IFT80: variants seen among roughly 807,000 people sequenced by gnomAD.
IFT80 encodes the protein intraflagellar transport 80.
A neutral mutation model predicts 107.9 loss-of-function variants in IFT80; 79 were observed. That is an observed-to-expected ratio of 0.73 (90% CI 0.61 to 0.88). The LOEUF is 0.88. Among genes scored for constraint, IFT80 ranks in the 40% least tolerant of loss-of-function variants. IFT80 has a pLI of 0.00. For missense variants in IFT80, 797 were observed against 914.2 expected (o/e 0.87, Z 1.65); for synonymous variants, 299 against 300.9 (o/e 0.99, Z 0.07).
rs1721070611 is a variant in IFT80, at chr3:160,356,121, G to A, written c.669C>T (p.Tyr223=). ...TGGGATGCTCATGAGGTTGTGAATT[G>A]TACAGTGGGCGGCCGTAACTATCCC... The part of the protein sequence containing the change: ...KVWDSYGRPL[Y]NSQPHEHPIT... The change falls in exon 8 of 20, where the codon TAC becomes TAT. Residue 223 remains tyrosine, a synonymous_variant. Coordinates refer to ENST00000326448, the MANE Select transcript of IFT80 (RefSeq NM_020800.3). 2 of 1,614,082 alleles carry A rather than the reference G, an allele frequency of 1.2e-6. No individual in the cohort carries two copies. The highest frequency in any genetic ancestry group is 1.6e-4 in the Middle Eastern group (1 of 6,062).
intron 12 of IFT80, among the ~76,000 whole-genome samples, chr3:160,296,636 C>T (rs1716003499): frequency 6.6e-6 from 1 of 151,460 alleles, no homozygotes; most frequent in Non-Finnish European, 1.5e-5. Flanking sequence ...TGTGAAACAA[C>T]AGTTATTCCA....
In IFT80 at chr3:160,320,778, G is replaced by T. The variant is rs1479097361; in HGVS notation, c.778-839C>A. On this transcript the variant is annotated intron_variant, in intron 8 of 19. Transcript: ENST00000326448. ...GGATATATATACATATATATATTTT[G>T]TTTGTTTGTTTGTTTTACATTATTT... Among the ~76,000 whole-genome samples the T allele has an allele frequency of 2.0e-5, 3 of 150,980 alleles. No individual in the cohort carries two copies. The South Asian group carries it at 6.2e-4, about 31-fold the overall frequency.
At chr3:160,343,482 A>C (rs757755122) in intron 8 of IFT80, among the ~76,000 whole-genome samples, 12 of 152,140 alleles carry the variant, frequency 7.9e-5, no homozygotes, top group African/African-American at 1.2e-4. Context: ...TTTATTTATA[A>C]TAACTATGTT....
intron 9 of IFT80, among the ~76,000 whole-genome samples, chr3:160,314,910 A>C (rs1717681618): frequency 6.6e-6 from 1 of 152,100 alleles, no homozygotes; most frequent in Non-Finnish European, 1.5e-5. Context: ...TTATAGGTTT[A>C]TTTTGCCAAG....
chr3:160,320,159 T>C, intron 8 of IFT80: 1 of 473,200 alleles, frequency 2.1e-6, no homozygotes, highest in Non-Finnish European at 3.7e-6. Flanking sequence ...GTATGAAATA[T>C]CTCAAGAACT....
intron 9 of IFT80, 48 bp from the exon 10 acceptor site, chr3:160,307,829 A>G (rs903050575): frequency 2.1e-5 from 20 of 964,480 alleles, no homozygotes; most frequent in South Asian, 1.7e-4. Flanking sequence ...ACATATCCAA[A>G]TTTTATTTAG....
chr3:160,352,368 T>C (rs1720773845), intron 8 of IFT80, among the ~76,000 whole-genome samples: 3 of 152,188 alleles, frequency 2.0e-5, no homozygotes, highest in African/African-American at 7.2e-5. Flanking sequence ...TTTTAAGAAA[T>C]GTAATTTTTT....
intron 10 of IFT80, among the ~76,000 whole-genome samples, chr3:160,306,687 G>T (rs1344112585): frequency 2.0e-5 from 3 of 152,006 alleles, no homozygotes; most frequent in African/African-American, 7.3e-5. Flanking sequence ...GTCCCAAATT[G>T]CAGATTCTGA....
intron 8 of IFT80, chr3:160,342,650 A>G (rs747605287): frequency 1.1e-3 from 160 of 152,310 alleles, no homozygotes; most frequent in Non-Finnish European, 1.6e-3. Context: ...GAGCCTGTGG[A>G]GGCCTGCTGG....
chr3:160,316,985 CT>C (rs1249512127), intron 9 of IFT80, among the ~76,000 whole-genome samples: 1 of 152,112 alleles, frequency 6.6e-6, no homozygotes, highest in African/African-American at 2.4e-5. Flanking sequence ...TGTCTCTTAA[CT>C]TCACAAGAAT....
chr3:160,275,468 G>T (rs1283494955), intron 18 of IFT80, among the ~76,000 whole-genome samples: 5 of 151,976 alleles, frequency 3.3e-5, no homozygotes, highest in African/African-American at 7.3e-5. Flanking sequence ...TTCCCCTTAT[G>T]GATTATATGC....
chr3:160,280,570 TA>T, intron 15 of IFT80, 96 bp downstream of exon 15: 1 of 1,029,136 alleles, frequency 9.7e-7, no homozygotes, highest in Non-Finnish European at 1.5e-6. Context: ...GACTGATGTG[TA>T]AAACACCTTG....
In IFT80 at chr3:160,322,003, G is replaced by GTTAGTTAT. The variant is rs1418524304; in HGVS notation, c.778-2065_778-2064insATAACTAA. Among the ~76,000 whole-genome samples the GTTAGTTAT allele has an allele frequency of 2.8e-4, 41 of 146,472 alleles. 1 individual carries two copies. In the East Asian group the frequency reaches 7.1e-3, roughly 25 times the overall value. On this transcript the variant is annotated intron_variant, in intron 8 of 19. Transcript: ENST00000326448. ...CAGTAGAAAGGGTCATTGTCAGCTT[G>GTTAGTTAT]TTATTTATTTATTTATTTATTTATT...
At chr3:160,310,342 A>C (rs1717154231) in intron 9 of IFT80, among the ~76,000 whole-genome samples, 1 of 152,240 alleles carries the variant, frequency 6.6e-6, no homozygotes, top group South Asian at 2.1e-4. Flanking sequence ...CACACAGAAA[A>C]TGTTAAAATC....
chr3:160,277,356 G>T lies in IFT80; in HGVS notation c.2049C>A (p.Gly683=). Residue 683 remains glycine (G), a synonymous_variant, in exon 18 of 20, where the codon GGC becomes GGA. Coordinates refer to ENST00000326448, the MANE Select transcript of IFT80 (RefSeq NM_020800.3). ...QEAEIVLLQA[G]LVYQAIQINI... ...TGATCTGGATTGCTTGATAAACAAG[G>T]CCAGCCTGAAGAAGTACTATTTCAG... The T allele has an allele frequency of 6.2e-7, 1 of 1,613,480 alleles. No individual in the cohort carries two copies. The highest frequency in any genetic ancestry group is 8.5e-7 in the Non-Finnish European group (1 of 1,179,794).
chr3:160,297,512 T>C (rs1234032383), intron 12 of IFT80, among the ~76,000 whole-genome samples: 1 of 152,142 alleles, frequency 6.6e-6, no homozygotes, highest in Non-Finnish European at 1.5e-5. Context: ...GCACTTTTAA[T>C]ACATTATTAG....
chr3:160,289,395 C>A (rs186742984), intron 12 of IFT80, among the ~76,000 whole-genome samples: 4 of 152,134 alleles, frequency 2.6e-5, no homozygotes, highest in Non-Finnish European at 5.9e-5. Flanking sequence ...GTACAACAAA[C>A]CCCTATGACA....
rs935029719 is a variant in IFT80, at chr3:160,303,124, G to T, written c.1151+791C>A. On this transcript the variant is annotated intron_variant, in intron 11 of 19. Coordinates refer to ENST00000326448, the MANE Select transcript of IFT80 (RefSeq NM_020800.3). ...AAACACTATTAAGAGTTGCCTACATGATGAGGAATGAGGAATAAAGCACAT... is the reference window on the plus strand; with the variant it reads ...AAACACTATTAAGAGTTGCCTACATTATGAGGAATGAGGAATAAAGCACAT... Among the ~76,000 whole-genome samples, 13 of 152,164 alleles carry T rather than the reference G, an allele frequency of 8.5e-5. 1 individual carries two copies. Among genetic ancestry groups the T allele is most frequent in the Non-Finnish European group, 1.0e-4 (7 of 68,020 alleles).
chr3:160,378,077 G>C (rs1712169345), intron 3 of IFT80, among the ~76,000 whole-genome samples: 1 of 151,516 alleles, frequency 6.6e-6, no homozygotes, highest in Non-Finnish European at 1.5e-5. Flanking sequence ...TTTACTTTTT[G>C]CCAATATATG....
Sources: gnomAD v4.1 joint callset for allele counts (sites outside exome capture counted in the v4.1 genomes callset) on GRCh38, gnomAD v4.1.1 for gene constraint, MANE v1.5 for transcripts, NCBI Gene and HGNC (gene_info 2026-07-23, HGNC 2026-07-21) for gene names.